PREX2: variants seen among roughly 807,000 people sequenced by gnomAD.
PREX2 encodes the protein phosphatidylinositol-3,4,5-trisphosphate dependent Rac exchange factor 2.
A neutral mutation model predicts 203.2 loss-of-function variants in PREX2; 107 were observed. That is an observed-to-expected ratio of 0.53 (90% CI 0.45 to 0.62). The LOEUF is 0.62. PREX2 is among the 20% of genes least tolerant of loss of function. The pLI is 0.00. For synonymous variants in PREX2, 672 were observed against 663.6 expected (o/e 1.01, Z -0.19); for missense variants, 1,777 against 1,955.9 (o/e 0.91, Z 1.72).
At chr8:68,021,979 G>T (rs1807581985) in intron 3 of PREX2, 57 bp from the exon 4 acceptor site, 2 of 855,670 alleles carry the variant, frequency 2.3e-6, no homozygotes, top group Non-Finnish European at 4.0e-6. Flanking sequence ...TATCACATAG[G>T]TTAAAATTGC....
intron 32 of PREX2, among the ~76,000 whole-genome samples, chr8:68,136,381 G>A (rs1811113373): frequency 2.0e-5 from 3 of 152,138 alleles, no homozygotes; most frequent in Admixed American, 1.3e-4. Flanking sequence ...TTCTGCTTCT[G>A]TCACAAAGGC....
intron 25 of PREX2, among the ~76,000 whole-genome samples, chr8:68,111,288 G>T (rs1003150403): frequency 2.0e-5 from 3 of 152,094 alleles, no homozygotes; most frequent in Non-Finnish European, 4.4e-5. Flanking sequence ...TCAGTGGCAA[G>T]ATTATTGATG....
At position 67,952,493 on chromosome 8, in the gene PREX2, G is replaced by C. The variant is rs61753697; in HGVS notation, c.99G>C (p.Lys33Asn). 6.2e-7 allele frequency: 1 copy of C among 1,607,950 alleles called. No individual in the cohort carries two copies. Among genetic ancestry groups the C allele is most frequent in the Non-Finnish European group, 8.5e-7 (1 of 1,177,228 alleles). ...LRVCVLSELQ[K>N]TERDYVGTLE... ...TGTGCGTGCTCAGCGAGCTCCAGAA[G>C]ACCGAGCGGGACTATGTGGGCACGC... Residue 33 changes from lysine to asparagine, a missense_variant, in exon 1 of 40, where the codon AAG becomes AAC. Coordinates refer to ENST00000288368, the MANE Select transcript of PREX2 (RefSeq NM_024870.4).
chr8:68,221,717 T>C (rs1812957054), intron 38 of PREX2, among the ~76,000 whole-genome samples: 1 of 152,160 alleles, frequency 6.6e-6, no homozygotes, highest in Non-Finnish European at 1.5e-5. Flanking sequence ...TAAAGTGAAA[T>C]GTGCCAATAG....
intron 26 of PREX2, among the ~76,000 whole-genome samples, chr8:68,117,850 A>G (rs909492884): frequency 1.3e-5 from 2 of 152,216 alleles, no homozygotes; most frequent in Admixed American, 1.3e-4. Context: ...CCAATAAGTT[A>G]TGATTTAAGC....
intron 17 of PREX2, chr8:68,082,758 C>G (rs1809568572): frequency 1.3e-5 from 2 of 154,612 alleles, no homozygotes; most frequent in Non-Finnish European, 2.9e-5. Context: ...GGTTGGAGCT[C>G]TCTTCTTTGG....
intron 35 of PREX2, among the ~76,000 whole-genome samples, chr8:68,167,303 G>A (rs1001658957): frequency 6.6e-6 from 1 of 150,928 alleles, no homozygotes; most frequent in Non-Finnish European, 1.5e-5. Flanking sequence ...ACTGTCTATG[G>A]ATGCATCAGC....
intron 35 of PREX2, among the ~76,000 whole-genome samples, chr8:68,167,612 C>T (rs778178519): frequency 1.7e-4 from 26 of 152,126 alleles, no homozygotes; most frequent in Non-Finnish European, 3.1e-4. Flanking sequence ...GGATTACAGG[C>T]ATGAGACACC....
Position 67,996,550 on chromosome 8 carries a change from G to C in PREX2, c.142-21296G>C, listed in dbSNP as rs548466563. Among the ~76,000 whole-genome samples, 7 of 152,046 alleles carry C rather than the reference G, an allele frequency of 4.6e-5. No homozygotes were observed. In the South Asian group the frequency reaches 1.5e-3, roughly 32 times the overall value. ...TATTCTACATAAGGGCCTTTTGTCAGGTGTATGTATTGTAGATATTGCTTC... is the reference window on the plus strand; with the variant it reads ...TATTCTACATAAGGGCCTTTTGTCACGTGTATGTATTGTAGATATTGCTTC... On this transcript the variant is annotated intron_variant, in intron 1 of 39. Coordinates refer to ENST00000288368, the MANE Select transcript of PREX2 (RefSeq NM_024870.4).
rs772515874 is a variant in PREX2, at chr8:68,134,187, G to A, written c.3895G>A (p.Glu1299Lys). 1 of 1,614,138 alleles carries A rather than the reference G, an allele frequency of 6.2e-7. No homozygotes were observed. Among genetic ancestry groups the A allele is most frequent in the Non-Finnish European group, 8.5e-7 (1 of 1,180,006 alleles). The stretch of plus-strand genomic sequence containing the variant: ...TGACAACAGCAAGGAAAATGAGATG[G>A]AAACTTGGGAAGCCAGCAGGAGGTG... ...MFDNSKENEMETWEASRRWLD... is the reference protein window; with the variant it reads ...MFDNSKENEMKTWEASRRWLD... Residue 1299 changes from glutamate (E) to lysine (K), a missense_variant, in exon 32 of 40, where the codon GAA becomes AAA. Transcript: ENST00000288368.
At chr8:68,213,496 G>A (rs1812779944) in intron 37 of PREX2, among the ~76,000 whole-genome samples, 1 of 152,048 alleles carries the variant, frequency 6.6e-6, no homozygotes, top group Non-Finnish European at 1.5e-5. Flanking sequence ...AAAATGTTTG[G>A]CAAAAGAATA....
At chr8:68,152,310 A>AAAAT (rs1252862943) in intron 34 of PREX2, among the ~76,000 whole-genome samples, 3 of 150,974 alleles carry the variant, frequency 2.0e-5, no homozygotes, top group African/African-American at 7.3e-5. Context: ...AAAAAAAAAA[A>AAAAT]GATAAATCTT....
intron 35 of PREX2, among the ~76,000 whole-genome samples, chr8:68,169,919 A>G (rs187468006): frequency 1.3e-5 from 2 of 152,316 alleles, no homozygotes; most frequent in East Asian, 3.9e-4. Flanking sequence ...AAGTCCATAA[A>G]CAAAGTCTTT....
chr8:68,017,282 A>G (rs559493250), intron 1 of PREX2, among the ~76,000 whole-genome samples: 96 of 152,208 alleles, frequency 6.3e-4, no homozygotes, highest in African/African-American at 2.2e-3. Context: ...CTGGCTTCTT[A>G]AAAGGCTGGG....
At chr8:68,048,812 A>G (rs547028931) in intron 8 of PREX2, among the ~76,000 whole-genome samples, 25 of 152,136 alleles carry the variant, frequency 1.6e-4, no homozygotes, top group African/African-American at 4.8e-4. Flanking sequence ...TATTATCTCA[A>G]TGATCGTCAT....
chr8:68,004,719 C>T (rs1253073759), intron 1 of PREX2, among the ~76,000 whole-genome samples: 2 of 152,024 alleles, frequency 1.3e-5, no homozygotes, highest in Admixed American at 1.3e-4. Flanking sequence ...ATCCATATTC[C>T]GTCAGGTATG....
Position 68,188,433 on chromosome 8 carries a change from T to C in PREX2, c.4347-3289T>C, listed in dbSNP as rs535370582. On this transcript the variant is annotated intron_variant, in intron 35 of 39. Transcript: ENST00000288368. The stretch of plus-strand genomic sequence containing the variant: ...CAACAAAATGGACCATTAAAATGAA[T>C]TTTCCCCAGAAGATTTAATAGATCG... 9.2e-5 allele frequency among the ~76,000 whole-genome samples: 14 copies of C among 152,304 alleles called. No individual in the cohort carries two copies. In the South Asian group the frequency reaches 2.7e-3, roughly 29 times the overall value.
Position 68,231,519 on chromosome 8 carries a change from A to C in PREX2, c.*141A>C. On this transcript the variant is annotated 3_prime_UTR_variant, in exon 40 of 40. Transcript: ENST00000288368. ...TTCTGTAAATCTTTCTTCCCATTGC[A>C]AACAAGTAGTGATCAGTTTATACTT... is the stretch of plus-strand genomic sequence containing the variant. 1 of 601,476 alleles carries C rather than the reference A, an allele frequency of 1.7e-6. No homozygotes were observed. Among genetic ancestry groups the C allele is most frequent in the Non-Finnish European group, 2.7e-6 (1 of 367,724 alleles). 37.3% of individuals were successfully genotyped at this position (601,476 alleles called of 1,614,324 possible).
chr8:68,202,308 C>T (rs1812521797), intron 37 of PREX2, among the ~76,000 whole-genome samples: 1 of 152,010 alleles, frequency 6.6e-6, no homozygotes, highest in Non-Finnish European at 1.5e-5. Context: ...GCTGGGTGGT[C>T]AAGTGAGAGC....
Sources: gnomAD v4.1 joint callset for allele counts (sites outside exome capture counted in the v4.1 genomes callset) on GRCh38, gnomAD v4.1.1 for gene constraint, MANE v1.5 for transcripts, NCBI Gene and HGNC (gene_info 2026-07-23, HGNC 2026-07-21) for gene names.